Variants in GAS2L1 observed in about 807,000 individuals in gnomAD.
GAS2L1 encodes GAS2-like protein 1.
In GAS2L1, 26 loss-of-function variants were observed where a neutral mutation model predicts 44.0. That is an observed-to-expected ratio of 0.59 (90% CI 0.43 to 0.82). The LOEUF (loss-of-function observed/expected upper bound fraction) is 0.82. Ranked by LOEUF, GAS2L1 falls within the 40% of genes least tolerant of loss-of-function variation. The pLI is 0.00. For missense variants in GAS2L1, 1,006 were observed against 983.0 expected (o/e 1.02, Z -0.31); for synonymous variants, 426 against 415.9 (o/e 1.02, Z -0.30).
At position 29,307,927 on chromosome 22, in the gene GAS2L1, C is replaced by A. The variant is rs1001554088; in HGVS notation, c.-179C>A. 11 of 464,082 alleles carry A rather than the reference C, an allele frequency of 2.4e-5. No individual in the cohort carries two copies. In the East Asian group the frequency reaches 3.3e-4, roughly 14 times the overall value. The allele number at this position is 464,082 out of a possible 1,614,324, so 28.7% of individuals were successfully genotyped here. A position where few individuals can be genotyped will look rare whatever the true frequency, so the allele number is the denominator to read the frequency against. On this transcript the variant is annotated 5_prime_UTR_variant, in exon 1 of 5. Coordinates refer to ENST00000618518, the Ensembl canonical transcript of GAS2L1. ...GCAGGGAATGTTACTGTACCCATTT[C>A]GCAGATGAGGAAACTTGGGGCACCG...
rs1569142337 is a variant in GAS2L1, at chr22:29,311,838, G to GCAGTGGGGGCTCGGGCAGGA, written c.1387_1388insCAGTGGGGGCTCGGGCAGGA (p.Gly463AlafsTer83). ...GCACTCATGGGTGCCAAGGGGCAGG[G>GCAGTGGGGGCTCGGGCAGGA]GCAGTGGGGGCTCGGGCAGGAGCAC... On this transcript the variant is annotated frameshift_variant, in exon 5 of 5. Coordinates refer to ENST00000618518, the Ensembl canonical transcript of GAS2L1. LOFTEE classifies it high-confidence loss of function. The GCAGTGGGGGCTCGGGCAGGA allele has an allele frequency of 1.3e-6, 2 of 1,592,672 alleles. No homozygotes were observed. Among genetic ancestry groups the GCAGTGGGGGCTCGGGCAGGA allele is most frequent in the Non-Finnish European group, 1.7e-6 (2 of 1,176,970 alleles).
chr22:29,311,462 G>A (rs1343497438), exon 5 of GAS2L1: 6 of 1,272,552 alleles, frequency 4.7e-6, no homozygotes, highest in African/African-American at 1.5e-5. Context: ...CCTGCCCCAG[G>A]CCCCGGGATC....
chr22:29,306,939 C>T (rs192880904), upstream of GAS2L1: 3 of 152,252 alleles, frequency 2.0e-5, no homozygotes, highest in Non-Finnish European at 2.9e-5. Flanking sequence ...CCCGCCGGCT[C>T]GGGGAAGGGG....
At chr22:29,312,572 A>G (rs917372018) in exon 5 of GAS2L1, 8 of 1,149,992 alleles carry the variant, frequency 7.0e-6, no homozygotes, top group Non-Finnish European at 9.5e-6. Flanking sequence ...TGCATCAGGG[A>G]GCCCCCTCTG....
exon 1 of GAS2L1, chr22:29,307,959 C>A: frequency 1.7e-6 from 1 of 578,710 alleles, no homozygotes; most frequent in Non-Finnish European, 2.7e-6. Flanking sequence ...ACCGACATTT[C>A]CCAGAGCCAA....
chr22:29,308,072 T>C lies in GAS2L1; in HGVS notation c.-34T>C. The C allele has an allele frequency of 6.6e-7, 1 of 1,514,800 alleles. No individual in the cohort carries two copies. The highest frequency in any genetic ancestry group is 8.9e-7 in the Non-Finnish European group (1 of 1,129,728). 93.8% of individuals were successfully genotyped at this position (1,514,800 alleles called of 1,614,324 possible). On this transcript the variant is annotated 5_prime_UTR_variant, in exon 1 of 5. Coordinates refer to ENST00000618518, the Ensembl canonical transcript of GAS2L1. ...GGGTCCCCACAGCGATCCTGAACTG[T>C]GTTCCTGCCCACAGTGACTCGGCCG...
In GAS2L1 at chr22:29,312,331, C is replaced by T. The variant is rs183007766; in HGVS notation, c.1880C>T (p.Pro627Leu). The stretch of plus-strand genomic sequence containing the variant: ...GGGAGCCCCCTGGCTTGCACTGAAC[C>T]CTCGAGGACCTGGGCACGGGGTCGG... Residue 627 changes from proline (P) to leucine (L), a missense_variant, in exon 5 of 5, where the codon CCC (proline) becomes CTC (leucine). Pro to Leu is a moderately conservative substitution (Grantham distance 98). Coordinates refer to ENST00000618518, the Ensembl canonical transcript of GAS2L1. The T allele has an allele frequency of 5.5e-3, 8,773 of 1,604,846 alleles. 33 individuals carry two copies. Among genetic ancestry groups the T allele is most frequent in the South Asian group, 7.0e-3 (631 of 90,658 alleles).
chr22:29,310,653 G>A (rs1401781606), exon 3 of GAS2L1: 2 of 1,607,146 alleles, frequency 1.2e-6, no homozygotes, highest in Admixed American at 1.7e-5. Context: ...GAGGAGCCAC[G>A]TGATGGTGCG....
exon 5 of GAS2L1, chr22:29,311,898 C>A (rs1275373438): frequency 6.2e-7 from 1 of 1,601,002 alleles, no homozygotes; most frequent in Non-Finnish European, 8.5e-7. Context: ...CCCTGCAGCA[C>A]CCCGGCTTTC....
chr22:29,307,832 G>A (rs1039888957), exon 1 of GAS2L1: 1 of 311,544 alleles, frequency 3.2e-6, no homozygotes. Flanking sequence ...AGTTTCCACC[G>A]CAAAAAGCCA....
chr22:29,309,722 G>A (rs2061383510), intron 1 of GAS2L1, among the ~76,000 whole-genome samples: 1 of 152,206 alleles, frequency 6.6e-6, no homozygotes, highest in Non-Finnish European at 1.5e-5. Context: ...CCACATCAGT[G>A]CCCACCCAGG....
At chr22:29,310,772 G>C (rs778796753) in intron 3 of GAS2L1, 38 bp downstream of exon 4, 1 of 1,605,720 alleles carries the variant, frequency 6.2e-7, no homozygotes, top group Admixed American at 1.7e-5. Flanking sequence ...GACGGGCAGG[G>C]GACTTGCTTC....
At chr22:29,311,674 G>C (rs879188319) in exon 5 of GAS2L1, 5 of 1,522,522 alleles carry the variant, frequency 3.3e-6, no homozygotes, top group Non-Finnish European at 2.6e-6. Context: ...TCCCGAGACC[G>C]GCTGGATCGC....
exon 1 of GAS2L1, chr22:29,308,622 C>A: frequency 6.3e-7 from 1 of 1,588,212 alleles, no homozygotes; most frequent in South Asian, 1.1e-5. Flanking sequence ...TGCTGCACCC[C>A]CAGCCCCCAA....
chr22:29,308,708 A>C, exon 1 of GAS2L1: 1 of 1,498,678 alleles, frequency 6.7e-7, no homozygotes, highest in Non-Finnish European at 8.9e-7. Flanking sequence ...CCCGCATGAC[A>C]CCCAGCGACC....
At chr22:29,310,028 G>A (rs909845971) in intron 1 of GAS2L1, among the ~76,000 whole-genome samples, 2 of 152,060 alleles carry the variant, frequency 1.3e-5, no homozygotes, top group Admixed American at 6.6e-5. Context: ...TTGGGAGGCC[G>A]AGGCGGGTGG....
chr22:29,311,799 G>T (rs766187832), exon 5 of GAS2L1: 1 of 1,579,896 alleles, frequency 6.3e-7, no homozygotes, highest in Non-Finnish European at 8.5e-7. Flanking sequence ...TGTGCGCAGG[G>T]ATCGAGACGG....
rs34124440 is a variant in GAS2L1, at chr22:29,311,919, A to G, written c.1468A>G (p.Ser490Gly). The G allele has an allele frequency of 8.2e-3, 13,161 of 1,603,494 alleles. 78 individuals are homozygous for G. The highest frequency in any genetic ancestry group is 0.01 in the Non-Finnish European group (11,999 of 1,179,648). Residue 490 changes from serine (S) to glycine (G), a missense_variant, in exon 5 of 5, where the codon AGC (serine) becomes GGC (glycine). Transcript: ENST00000618518. Reference sequence around the variant, plus strand: ...AGCACCCCGGCTTTCCCGGGTCTCCAGCCCCAGTCCAGAGTTGGGCACCAC... The same window carrying G: ...AGCACCCCGGCTTTCCCGGGTCTCCGGCCCCAGTCCAGAGTTGGGCACCAC...
chr22:29,308,131 C>G (rs764709290), exon 1 of GAS2L1: 2 of 1,560,720 alleles, frequency 1.3e-6, no homozygotes, highest in Non-Finnish European at 1.7e-6. Flanking sequence ...GCGGGCATCG[C>G]GGGCTCGGCG....
Sources: allele counts gnomAD v4.1 joint callset (sites outside exome capture counted in the v4.1 genomes callset), GRCh38; gene constraint gnomAD v4.1.1; transcripts MANE v1.5; gene names NCBI Gene and HGNC (gene_info 2026-07-23, HGNC 2026-07-21).